Variants in NAV3 observed in about 807,000 individuals in gnomAD.
NAV3 encodes pore membrane and/or filament interacting like protein 1.
A neutral mutation model predicts 244.7 loss-of-function variants in NAV3; 87 were observed. The ratio of observed to expected loss-of-function variants is 0.36; its 90% CI spans 0.30 to 0.42. NAV3 has a LOEUF of 0.42. Ranked by LOEUF, NAV3 falls within the 20% of genes least tolerant of loss-of-function variation. The pLI is 1.00. For missense variants in NAV3, 2,663 were observed against 2,893.3 expected (o/e 0.92, Z 1.83); for synonymous variants, 1,126 against 1,042.2 (o/e 1.08, Z -1.55).
intron 4 of NAV3, among the ~76,000 whole-genome samples, chr12:77,968,277 C>T (rs907560506): frequency 1.3e-5 from 2 of 152,182 alleles, no homozygotes; most frequent in African/African-American, 4.8e-5. Flanking sequence ...AAGAATATCA[C>T]TTCTGAGTGT....
At chr12:78,054,361 TTAGAGA>T (rs1003996462) in intron 11 of NAV3, among the ~76,000 whole-genome samples, 22 of 152,168 alleles carry the variant, frequency 1.4e-4, no homozygotes, top group Non-Finnish European at 2.9e-5. Context: ...AGATAATGTC[TTAGAGA>T]TAGGCACTAT....
intron 2 of NAV3, among the ~76,000 whole-genome samples, chr12:77,614,808 GC>G (rs1871085527): frequency 6.6e-6 from 1 of 152,166 alleles, no homozygotes; most frequent in Non-Finnish European, 1.5e-5. Context: ...AGCGATTGGT[GC>G]ATAGTAAGTA....
At chr12:77,612,572 G>A (rs1411720985) in intron 2 of NAV3, among the ~76,000 whole-genome samples, 1 of 152,078 alleles carries the variant, frequency 6.6e-6, no homozygotes, top group Admixed American at 6.6e-5. Context: ...TAATGGGTAT[G>A]TGCCTTTATC....
intron 23 of NAV3, among the ~76,000 whole-genome samples, chr12:78,166,430 C>A (rs1957784043): frequency 8.7e-6 from 1 of 114,524 alleles, no homozygotes; most frequent in African/African-American, 2.7e-5. Context: ...TCTTTTTAAT[C>A]AAAGACTATG....
chr12:77,774,615 G>T (rs1870257150), intron 2 of NAV3, among the ~76,000 whole-genome samples: 1 of 152,122 alleles, frequency 6.6e-6, no homozygotes, highest in Non-Finnish European at 1.5e-5. Flanking sequence ...CAATTATGTG[G>T]CCTGTGGCAT....
intron 5 of NAV3, among the ~76,000 whole-genome samples, chr12:77,975,282 A>G (rs574561748): frequency 2.3e-4 from 35 of 152,300 alleles, no homozygotes; most frequent in Non-Finnish European, 3.4e-4. Flanking sequence ...ACAAACTTTT[A>G]TTAAGCACGT....
At chr12:77,649,311 C>T (rs998759774) in intron 2 of NAV3, among the ~76,000 whole-genome samples, 2 of 151,978 alleles carry the variant, frequency 1.3e-5, no homozygotes, top group South Asian at 2.1e-4. Flanking sequence ...ATAGTATTTG[C>T]GTATTTCTAT....
At chr12:78,139,426 G>C (rs1039041464) in intron 19 of NAV3, among the ~76,000 whole-genome samples, 2 of 151,900 alleles carry the variant, frequency 1.3e-5, no homozygotes, top group East Asian at 3.9e-4. Flanking sequence ...TGAGCTTTTG[G>C]GATTTTATCT....
intron 8 of NAV3, among the ~76,000 whole-genome samples, chr12:78,007,838 C>A (rs987829810): frequency 5.9e-5 from 9 of 152,156 alleles, no homozygotes; most frequent in Non-Finnish European, 1.2e-4. Context: ...TTTTTGTTGT[C>A]ATCTTTGGGA....
intron 2 of NAV3, among the ~76,000 whole-genome samples, chr12:77,624,289 T>C (rs529701003): frequency 3.9e-4 from 59 of 152,256 alleles, no homozygotes; most frequent in African/African-American, 1.4e-3. Context: ...TAATCGTTCA[T>C]GTGAGAAACA....
At chr12:77,771,002 A>G (rs1870050411) in intron 2 of NAV3, among the ~76,000 whole-genome samples, 2 of 152,170 alleles carry the variant, frequency 1.3e-5, no homozygotes, top group Non-Finnish European at 2.9e-5. Flanking sequence ...GAAAATTTTC[A>G]CAACCTGCTC....
intron 12 of NAV3, among the ~76,000 whole-genome samples, chr12:78,077,709 G>A (rs1016316737): frequency 3.3e-5 from 5 of 152,150 alleles, no homozygotes; most frequent in South Asian, 2.1e-4. Context: ...AGACTGAGGC[G>A]GGTAGATCAC....
chr12:78,187,105 T>C (rs1463251671), intron 31 of NAV3, among the ~76,000 whole-genome samples: 1 of 151,930 alleles, frequency 6.6e-6, no homozygotes, highest in Non-Finnish European at 1.5e-5. Context: ...TATCATTTCA[T>C]AACAATAGTA....
intron 1 of NAV3, among the ~76,000 whole-genome samples, chr12:77,925,702 C>T (rs1398691192): frequency 6.6e-6 from 1 of 152,134 alleles, no homozygotes; most frequent in East Asian, 1.9e-4. Context: ...GTATGTGGAT[C>T]TAGCTCCTAC....
chr12:77,587,216 A>G (rs1869657350), intron 2 of NAV3, among the ~76,000 whole-genome samples: 1 of 152,160 alleles, frequency 6.6e-6, no homozygotes, highest in Non-Finnish European at 1.5e-5. Flanking sequence ...AGACTTTCCA[A>G]AAATGCTTTC....
chr12:77,789,535 G>A (rs373707781), intron 2 of NAV3, among the ~76,000 whole-genome samples: 12 of 150,056 alleles, frequency 8.0e-5, no homozygotes, highest in African/African-American at 2.4e-4. Flanking sequence ...TCAACTGGGC[G>A]CAGTGGCTCA....
At chr12:77,816,247 G>A (rs1045447120) in intron 2 of NAV3, among the ~76,000 whole-genome samples, 1 of 152,298 alleles carries the variant, frequency 6.6e-6, no homozygotes, top group East Asian at 1.9e-4. Context: ...CATAGTTTCA[G>A]ACTTGTTCAA....
At position 77,737,013 on chromosome 12, in the gene NAV3, G is replaced by C. The variant is rs140320234; in HGVS notation, c.72+164747G>C. Among the ~76,000 whole-genome samples, 4 of 152,062 alleles carry C rather than the reference G, an allele frequency of 2.6e-5. No individual in the cohort carries two copies. The East Asian group carries it at 7.7e-4, about 29-fold the overall frequency. On this transcript the variant is annotated intron_variant, in intron 2 of 8. Coordinates refer to the NAV3 transcript ENST00000550042. Reference sequence around the variant, plus strand: ...TATTTTCCCCCTAAACTTTCCTTTGGCCTCCTTCTAACTTGAAGAGGGTAA... The same window carrying C: ...TATTTTCCCCCTAAACTTTCCTTTGCCCTCCTTCTAACTTGAAGAGGGTAA...
intron 12 of NAV3, among the ~76,000 whole-genome samples, chr12:78,111,541 T>A (rs1210375542): frequency 6.6e-6 from 1 of 152,008 alleles, no homozygotes; most frequent in African/African-American, 2.4e-5. Flanking sequence ...ATCAGAGAAA[T>A]ACAAAATAAA....
Sources: allele counts gnomAD v4.1 joint callset (sites outside exome capture counted in the v4.1 genomes callset), GRCh38; gene constraint gnomAD v4.1.1; transcripts MANE v1.5; gene names NCBI Gene and HGNC (gene_info 2026-07-23, HGNC 2026-07-21).